The following KLHL7 variants were observed in gnomAD, a reference collection of about 807,000 sequenced individuals.
KLHL7 encodes the protein kelch like family member 7.
A neutral mutation model predicts 67.4 loss-of-function variants in KLHL7; 44 were observed. The ratio of observed to expected loss-of-function variants is 0.65; its 90% CI spans 0.51 to 0.84. The LOEUF is 0.84. Ranked by LOEUF, KLHL7 falls within the 40% of genes least tolerant of loss-of-function variation. The probability of loss-of-function intolerance (pLI) is 0.00; values close to 1 mark genes in which losing one functional copy is unlikely to be tolerated. For missense variants in KLHL7, 362 were observed against 718.1 expected (o/e 0.50, Z 5.67); for synonymous variants, 252 against 243.3 (o/e 1.04, Z -0.33).
At chr7:23,113,913 C>T (rs1213515476) in intron 1 of KLHL7, among the ~76,000 whole-genome samples, 1 of 152,148 alleles carries the variant, frequency 6.6e-6, no homozygotes, top group Non-Finnish European at 1.5e-5. Flanking sequence ...ACCATGCTGT[C>T]TATATAAATT....
intron 7 of KLHL7, among the ~76,000 whole-genome samples, chr7:23,164,356 G>A (rs1440941700): frequency 6.6e-6 from 1 of 152,204 alleles, no homozygotes; most frequent in Non-Finnish European, 1.5e-5. Context: ...GGTATTATGA[G>A]TAGATATGAA....
chr7:23,143,883 CG>C lies in KLHL7; in HGVS notation c.652del (p.Asp218MetfsTer26). 6.2e-7 allele frequency: 1 copy of C among 1,614,088 alleles called. No homozygotes were observed. Among genetic ancestry groups the C allele is most frequent in the Non-Finnish European group, 8.5e-7 (1 of 1,179,982 alleles). On this transcript the variant is annotated frameshift_variant, in exon 6 of 11. Coordinates refer to ENST00000339077, the MANE Select transcript of KLHL7 (RefSeq NM_001031710.3). LOFTEE classifies it high-confidence loss of function. ...ATGCTGCAGTCAGGTGGTTGAAATA[CG>C]ATGAACCTAATCGCCAGCCATTTAT... Reference protein sequence around the residue: ...YDAAVRWLKYDEPNRQPFMVD... With the variant: ...YDAAVRWLKYXEPNRQPFMVD...
intron 8 of KLHL7, 41 bp from the exon 9 acceptor site, chr7:23,167,795 C>T (rs760816265): frequency 4.4e-6 from 7 of 1,576,544 alleles, no homozygotes; most frequent in Non-Finnish European, 6.1e-6. Context: ...AACCCCCGCA[C>T]ACACTAAAGT....
chr7:23,148,424 G>T (rs914617236), intron 6 of KLHL7, among the ~76,000 whole-genome samples: 23 of 145,984 alleles, frequency 1.6e-4, no homozygotes, highest in Non-Finnish European at 2.6e-4. Context: ...CAGCCCCAAA[G>T]CTACTTGAAC....
At chr7:23,150,886 T>C (rs946952867) in intron 6 of KLHL7, among the ~76,000 whole-genome samples, 3 of 152,208 alleles carry the variant, frequency 2.0e-5, no homozygotes, top group African/African-American at 7.2e-5. Context: ...TGTTTAAGAG[T>C]TATAGTTCTT....
chr7:23,171,772 T>C (rs1001520990), intron 9 of KLHL7, among the ~76,000 whole-genome samples: 20 of 152,218 alleles, frequency 1.3e-4, no homozygotes, highest in South Asian at 4.1e-4. Context: ...TGCAGTGGCG[T>C]GATCTCAGCT....
intron 1 of KLHL7, among the ~76,000 whole-genome samples, chr7:23,108,106 A>G (rs1782719197): frequency 6.6e-6 from 1 of 152,170 alleles, no homozygotes; most frequent in African/African-American, 2.4e-5. Context: ...TCCCTTTACA[A>G]TCTCATTGCT....
At chr7:23,116,238 C>T (rs1351594832) in intron 1 of KLHL7, among the ~76,000 whole-genome samples, 1 of 152,200 alleles carries the variant, frequency 6.6e-6, no homozygotes, top group Non-Finnish European at 1.5e-5. Context: ...TCCTCCTTTC[C>T]TCTCCATTTG....
intron 5 of KLHL7, among the ~76,000 whole-genome samples, chr7:23,142,060 A>G (rs1479729698): frequency 6.6e-6 from 1 of 152,046 alleles, no homozygotes; most frequent in Non-Finnish European, 1.5e-5. Flanking sequence ...CTGGGATTAT[A>G]GGTATGTGCC....
chr7:23,155,925 G>A (rs1358818326), intron 7 of KLHL7: 2 of 274,960 alleles, frequency 7.3e-6, no homozygotes, highest in Non-Finnish European at 1.5e-5. Context: ...AATGTGGGAT[G>A]ACTCTTAGCA....
intron 1 of KLHL7, among the ~76,000 whole-genome samples, chr7:23,108,340 A>T (rs1370247577): frequency 6.6e-6 from 1 of 152,248 alleles, no homozygotes; most frequent in Non-Finnish European, 1.5e-5. Context: ...GGGATTCTGC[A>T]GAGCCAGCAG....
At chr7:23,125,625 T>C in intron 4 of KLHL7, 1 of 1,063,024 alleles carries the variant, frequency 9.4e-7, no homozygotes, top group Non-Finnish European at 1.3e-6. Flanking sequence ...CTACTACACC[T>C]TGCTGCCTCC....
At chr7:23,134,212 T>C (rs1190683861) in intron 4 of KLHL7, among the ~76,000 whole-genome samples, 2 of 152,258 alleles carry the variant, frequency 1.3e-5, no homozygotes, top group African/African-American at 4.8e-5. Flanking sequence ...AATTTTCTTA[T>C]GGTTTTTATC....
At chr7:23,132,068 C>T (rs184169945) in intron 4 of KLHL7, among the ~76,000 whole-genome samples, 3 of 152,112 alleles carry the variant, frequency 2.0e-5, no homozygotes, top group Admixed American at 6.5e-5. Flanking sequence ...TGGACACTTA[C>T]GTTGCTTCCA....
chr7:23,125,265 A>G (rs764757834), intron 4 of KLHL7, 93 bp downstream of exon 4: 13 of 1,321,340 alleles, frequency 9.8e-6, no homozygotes, highest in Non-Finnish European at 1.4e-5. Context: ...AAGTATCCGC[A>G]TTTAACCTTA....
chr7:23,123,723 G>T, intron 1 of KLHL7, 54 bp from the exon 2 acceptor site: 2 of 1,217,946 alleles, frequency 1.6e-6, no homozygotes, highest in Non-Finnish European at 2.4e-6. Flanking sequence ...AACATGTATT[G>T]CCAAGCTAGG....
chr7:23,106,397 T>A (rs1476749674), intron 1 of KLHL7: 19 of 1,336,596 alleles, frequency 1.4e-5, no homozygotes, highest in Non-Finnish European at 1.6e-5. Context: ...CTCCTCAGGC[T>A]GGCTTTCGCC....
At chr7:23,120,197 G>T (rs1783275702) in intron 1 of KLHL7, among the ~76,000 whole-genome samples, 1 of 151,964 alleles carries the variant, frequency 6.6e-6, no homozygotes, top group Non-Finnish European at 1.5e-5. Context: ...TTTTGGTAGA[G>T]ATGGGTTTTA....
In KLHL7 at chr7:23,161,150, T is replaced by C. The variant is rs1010415871; in HGVS notation, c.937-4548T>C. ...AAATACATATTCTTTGTAGAAAATA[T>C]AGCAAGATATAAAGGAGAAAGTCAA... On this transcript the variant is annotated intron_variant, in intron 7 of 10. Transcript: ENST00000339077. Among the ~76,000 whole-genome samples, 7 of 152,318 alleles carry C rather than the reference T, an allele frequency of 4.6e-5. 1 individual carries two copies. The South Asian group carries it at 1.0e-3, about 23-fold the overall frequency.
Sources: allele counts gnomAD v4.1 joint callset (sites outside exome capture counted in the v4.1 genomes callset), GRCh38; gene constraint gnomAD v4.1.1; transcripts MANE v1.5; gene names NCBI Gene and HGNC (gene_info 2026-07-23, HGNC 2026-07-21).